The following PTPRO variants were observed in gnomAD, a reference collection of about 807,000 sequenced individuals.
PTPRO encodes the protein protein tyrosine phosphatase receptor type O.
In PTPRO, 62 loss-of-function variants were observed where a neutral mutation model predicts 145.2. The observed-to-expected ratio is 0.43, with a 90% confidence interval of 0.35 to 0.53. PTPRO has a LOEUF of 0.53. Ranked by LOEUF, PTPRO falls within the 20% of genes least tolerant of loss-of-function variation. The pLI is 0.01. For synonymous variants in PTPRO, 565 were observed against 514.7 expected, an observed-to-expected ratio of 1.10 and a Z score of -1.32; for missense variants, 1,345 against 1,482.7, an observed-to-expected ratio of 0.91 and a Z score of 1.53.
intron 7 of PTPRO, 36 bp from the exon 8 acceptor site, chr12:15,515,462 G>T (rs1449662318): frequency 6.2e-7 from 1 of 1,611,694 alleles, no homozygotes; most frequent in East Asian, 2.2e-5. Context: ...TGAAATCCCA[G>T]CTCTAAATAA....
At chr12:15,485,862 A>C (rs550732401) in intron 2 of PTPRO, among the ~76,000 whole-genome samples, 6 of 152,318 alleles carry the variant, frequency 3.9e-5, no homozygotes, top group South Asian at 2.1e-4. Flanking sequence ...GAATATCCAA[A>C]AATTTGGAAA....
chr12:15,343,541 A>T (rs1384499705), intron 1 of PTPRO, among the ~76,000 whole-genome samples: 1 of 152,062 alleles, frequency 6.6e-6, no homozygotes. Context: ...TTTCAAAATT[A>T]CCTGGGCATG....
At chr12:15,515,709 T>C in intron 8 of PTPRO, 91 bp downstream of exon 8, 3 of 1,538,948 alleles carry the variant, frequency 1.9e-6, no homozygotes, top group African/African-American at 2.7e-5. Flanking sequence ...ATTATCATCG[T>C]ATTTGGAAGG....
At chr12:15,528,573 A>G (rs1419360343) in intron 12 of PTPRO, among the ~76,000 whole-genome samples, 2 of 151,958 alleles carry the variant, frequency 1.3e-5, no homozygotes, top group Non-Finnish European at 2.9e-5. Context: ...CATAAGAATT[A>G]TTAGTATTCA....
Position 15,580,092 on chromosome 12 carries a change from T to A in PTPRO, c.2974T>A (p.Tyr992Asn). 1 of 1,612,758 alleles carries A rather than the reference T, an allele frequency of 6.2e-7. No homozygotes were observed. The highest frequency in any genetic ancestry group is 8.5e-7 in the Non-Finnish European group (1 of 1,179,604). ...CATGAATGAAGAGGAAGGTGCAGAC[T>A]ACATCAATGCCAACTATATTCCTGT... ...VSMNEEEGAD[Y>N]INANYIPGYN... Residue 992 changes from tyrosine to asparagine, a missense_variant, in exon 21 of 27, where the codon TAC (tyrosine) becomes AAC (asparagine). Physicochemically the swap from Tyr to Asn is moderately radical, Grantham distance 143. Coordinates refer to ENST00000281171, the MANE Select transcript of PTPRO (RefSeq NM_030667.3).
chr12:15,532,518 T>C (rs1942982857), intron 12 of PTPRO, among the ~76,000 whole-genome samples: 1 of 152,150 alleles, frequency 6.6e-6, no homozygotes. Flanking sequence ...AAAGAACAGC[T>C]AATTCCCTCT....
At chr12:15,580,932 A>C (rs1242320425) in intron 22 of PTPRO, 101 bp downstream of exon 22, 1 of 1,474,624 alleles carries the variant, frequency 6.8e-7, no homozygotes, top group Non-Finnish European at 9.4e-7. Context: ...TAAAACATAG[A>C]GACAAATCGC....
intron 4 of PTPRO, among the ~76,000 whole-genome samples, chr12:15,501,195 T>C (rs1343090660): frequency 6.6e-6 from 1 of 152,212 alleles, no homozygotes. Context: ...CTATGTCACA[T>C]GGAGTATTTT....
intron 1 of PTPRO, among the ~76,000 whole-genome samples, chr12:15,366,605 T>C (rs1938369570): frequency 6.6e-6 from 1 of 152,188 alleles, no homozygotes; most frequent in Non-Finnish European, 1.5e-5. Flanking sequence ...AAATGGGTAG[T>C]ATAGTTGAGA....
chr12:15,352,388 A>C (rs1049057442), intron 1 of PTPRO, among the ~76,000 whole-genome samples: 5 of 152,118 alleles, frequency 3.3e-5, no homozygotes, highest in African/African-American at 9.7e-5. Flanking sequence ...TGGTGGCTCA[A>C]GCCTGTAACC....
chr12:15,479,766 A>C (rs954412894), intron 1 of PTPRO, among the ~76,000 whole-genome samples: 3 of 152,208 alleles, frequency 2.0e-5, no homozygotes, highest in African/African-American at 7.2e-5. Flanking sequence ...GGAAGATTTC[A>C]GGAGGCAGGG....
chr12:15,508,792 G>A, intron 7 of PTPRO, 25 bp downstream of exon 7: 1 of 1,608,666 alleles, frequency 6.2e-7, no homozygotes, highest in Non-Finnish European at 8.5e-7. Context: ...ATGAGAATGG[G>A]CTCGCCGGTC....
At chr12:15,374,773 A>G (rs1463075366) in intron 1 of PTPRO, among the ~76,000 whole-genome samples, 1 of 152,204 alleles carries the variant, frequency 6.6e-6, no homozygotes, top group Non-Finnish European at 1.5e-5. Flanking sequence ...GAACAAAAAC[A>G]TAAAAGGAAG....
intron 17 of PTPRO, among the ~76,000 whole-genome samples, chr12:15,561,887 T>C (rs1943782314): frequency 1.3e-5 from 2 of 152,150 alleles, no homozygotes; most frequent in African/African-American, 4.8e-5. Flanking sequence ...AAGGTAGGCC[T>C]GTGCAAGTAA....
chr12:15,563,729 T>C (rs946716782), intron 17 of PTPRO, among the ~76,000 whole-genome samples: 2 of 152,146 alleles, frequency 1.3e-5, no homozygotes, highest in African/African-American at 4.8e-5. Flanking sequence ...AGCTTAATAT[T>C]TCAGCACTGA....
intron 22 of PTPRO, among the ~76,000 whole-genome samples, chr12:15,581,225 A>G (rs1305675399): frequency 6.6e-6 from 1 of 152,130 alleles, no homozygotes; most frequent in Non-Finnish European, 1.5e-5. Context: ...TCAAGTTACT[A>G]AAGGCAGTTT....
In PTPRO at chr12:15,343,070, T is replaced by C. The variant is rs555011984; in HGVS notation, c.75+20269T>C. On this transcript the variant is annotated intron_variant, in intron 1 of 26. Coordinates refer to ENST00000281171, the MANE Select transcript of PTPRO (RefSeq NM_030667.3). ...CCTCTCATTTGCCTTGTCCATCTTCTAGTTGAGTTGAATAAACTAGTGGAC... is the reference window on the plus strand; with the variant it reads ...CCTCTCATTTGCCTTGTCCATCTTCCAGTTGAGTTGAATAAACTAGTGGAC... Among the ~76,000 whole-genome samples, 5 of 152,272 alleles carry C rather than the reference T, an allele frequency of 3.3e-5. No homozygotes were observed. In the East Asian group the frequency reaches 9.7e-4, roughly 29 times the overall value.
At chr12:15,456,711 A>G (rs1472898262) in intron 1 of PTPRO, among the ~76,000 whole-genome samples, 1 of 152,168 alleles carries the variant, frequency 6.6e-6, no homozygotes, top group Non-Finnish European at 1.5e-5. Flanking sequence ...GTTCCTAAAA[A>G]TACAGCCATG....
chr12:15,482,167 G>GTA (rs370113633), intron 1 of PTPRO, among the ~76,000 whole-genome samples: 6,831 of 141,652 alleles, frequency 0.048, 196 homozygotes, highest in South Asian at 0.067. Context: ...GTGTGTGTGT[G>GTA]TATATATATA....
Sources: gnomAD v4.1 joint callset for allele counts (sites outside exome capture counted in the v4.1 genomes callset) on GRCh38, gnomAD v4.1.1 for gene constraint, MANE v1.5 for transcripts, NCBI Gene and HGNC (gene_info 2026-07-23, HGNC 2026-07-21) for gene names.